DST: variants seen among roughly 807,000 people sequenced by gnomAD.
DST encodes bullous pemphigoid antigen.
DST carries 253 observed loss-of-function variants against 875.2 expected under a neutral mutation model. The ratio of observed to expected loss-of-function variants is 0.29; its 90% CI spans 0.26 to 0.32. The LOEUF (loss-of-function observed/expected upper bound fraction) is 0.32, where lower values mean the gene tolerates loss of function less well. Among genes scored for constraint, DST ranks in the 10% least tolerant of loss-of-function variants. The pLI is 1.00. For synonymous variants in DST, 3,124 were observed against 3,197.1 expected, an observed-to-expected ratio of 0.98 and a Z score of 0.77; for missense variants, 8,287 against 9,111.6, an observed-to-expected ratio of 0.91 and a Z score of 3.68.
At chr6:56,877,443 C>T (rs1470581531) in intron 3 of DST, among the ~76,000 whole-genome samples, 3 of 152,176 alleles carry the variant, frequency 2.0e-5, no homozygotes, top group Admixed American at 6.5e-5. Flanking sequence ...GTAATCCCAG[C>T]TACCTGGGAG....
intron 4 of DST, among the ~76,000 whole-genome samples, chr6:56,781,040 A>C (rs1302518630): frequency 6.6e-6 from 1 of 151,984 alleles, no homozygotes; most frequent in Non-Finnish European, 1.5e-5. Flanking sequence ...AGTTGTAGAT[A>C]TGTGGTGTTA....
rs374249204 is a variant in DST, at chr6:56,506,562, G to C, written c.19363-18C>G. ...GAATTTAACTACAAGATGTATGTTA[G>C]AATTCTTTTAGTGCCATATTTTAAA... On this transcript the variant is annotated intron_variant, in intron 76 of 103. Coordinates refer to ENST00000680361, the MANE Select transcript of DST (RefSeq NM_001374736.1). The C allele has an allele frequency of 4.3e-6, 7 of 1,609,322 alleles. No homozygotes were observed. Among genetic ancestry groups the C allele is most frequent in the Admixed American group, 1.7e-5 (1 of 59,466 alleles).
chr6:56,463,919 A>G, intron 100 of DST, 155 bp from the exon 101 acceptor site: 5 of 825,336 alleles, frequency 6.1e-6, no homozygotes, highest in Non-Finnish European at 1.0e-5. Context: ...CAGCATAACA[A>G]AAAGTTAAAT....
At chr6:56,538,353 G>C (rs1584408448) in intron 61 of DST, among the ~76,000 whole-genome samples, 1 of 151,592 alleles carries the variant, frequency 6.6e-6, no homozygotes, top group East Asian at 1.9e-4. Flanking sequence ...TGGAACTAAG[G>C]AAGGAAAGTT....
intron 36 of DST, chr6:56,617,245 A>G (rs2098636560): frequency 6.2e-7 from 1 of 1,608,430 alleles, no homozygotes; most frequent in Non-Finnish European, 8.5e-7. Flanking sequence ...GATCACCATC[A>G]AAGTTCTGGA....
In DST at chr6:56,489,477, A is replaced by G. The variant is rs1356542384; in HGVS notation, c.20877+13T>C. The G allele has an allele frequency of 6.2e-7, 1 of 1,607,664 alleles. No individual in the cohort carries two copies. Among genetic ancestry groups the G allele is most frequent in the East Asian group, 2.2e-5 (1 of 44,722 alleles). On this transcript the variant is annotated intron_variant, in intron 86 of 103. Transcript: ENST00000680361. ...ATAATGAGACAATATGCTCTTCTTA[A>G]TTATGGACCCACCTTATGTTGTGCA...
At chr6:56,462,378 AAGTT>A (rs929200381) in intron 102 of DST, among the ~76,000 whole-genome samples, 2 of 152,194 alleles carry the variant, frequency 1.3e-5, no homozygotes, top group African/African-American at 2.4e-5. Context: ...CCGTATTAAA[AAGTT>A]AGAGCATGCT....
Position 56,644,536 on chromosome 6 carries a change from A to T in DST, c.1778+1330T>A, listed in dbSNP as rs2098931190. Among the ~76,000 whole-genome samples, 3 of 152,324 alleles carry T rather than the reference A, an allele frequency of 2.0e-5. No homozygotes were observed. In the South Asian group the frequency reaches 6.2e-4, roughly 32 times the overall value. On this transcript the variant is annotated intron_variant, in intron 15 of 103. Transcript: ENST00000680361. Reference sequence around the variant, plus strand: ...AAAAAAAACAAGGGTTTCTCTCCACATTCTTGGAGCTCATATCTGTGGAAT... The same window carrying T: ...AAAAAAAACAAGGGTTTCTCTCCACTTTCTTGGAGCTCATATCTGTGGAAT...
rs375813751 is a variant in DST, at chr6:56,552,602, T to C, written c.16190A>G (p.Gln5397Arg). 1.2e-6 allele frequency: 2 copies of C among 1,613,952 alleles called. No homozygotes were observed. Among genetic ancestry groups the C allele is most frequent in the Non-Finnish European group, 1.7e-6 (2 of 1,179,884 alleles). ...FQNTIREMFS[Q>R]FAEFDDELDS... ...CAGTTCATCATCAAACTCTGCGAACTGAGAAAACATTTCTCGAATGGTATT... is the reference window on the plus strand; with the variant it reads ...CAGTTCATCATCAAACTCTGCGAACCGAGAAAACATTTCTCGAATGGTATT... The change falls in exon 61 of 104, where the codon CAG becomes CGG. Residue 5397 changes from glutamine (Q) to arginine (R), a missense_variant. This residue lies in a region of DST where 1,513 missense variants were observed against 1,677.8 expected (regional missense o/e 0.90). Coordinates refer to ENST00000680361, the MANE Select transcript of DST (RefSeq NM_001374736.1).
intron 3 of DST, among the ~76,000 whole-genome samples, chr6:56,883,835 T>A (rs1169760556): frequency 6.6e-6 from 1 of 152,072 alleles, no homozygotes; most frequent in African/African-American, 2.4e-5. Context: ...AATATTTTAG[T>A]ATGCATCTCT....
intron 4 of DST, among the ~76,000 whole-genome samples, chr6:56,756,878 C>A (rs2099605381): frequency 6.6e-6 from 1 of 152,192 alleles, no homozygotes; most frequent in Admixed American, 6.5e-5. Flanking sequence ...GCCTAGTACA[C>A]AGGGCAGAAA....
intron 3 of DST, among the ~76,000 whole-genome samples, chr6:56,861,082 T>C (rs1166901209): frequency 6.6e-6 from 1 of 152,222 alleles, no homozygotes; most frequent in Non-Finnish European, 1.5e-5. Context: ...TATGCTTCCA[T>C]TTTCATTACC....
chr6:56,655,159 T>TAAA (rs2099000247), intron 10 of DST, among the ~76,000 whole-genome samples: 1 of 67,924 alleles, frequency 1.5e-5, no homozygotes, highest in East Asian at 3.9e-4. Context: ...AGACTTTGCC[T>TAAA]CAAAAAAAAA....
intron 4 of DST, among the ~76,000 whole-genome samples, chr6:56,796,828 G>A (rs568252764): frequency 5.9e-5 from 9 of 151,626 alleles, no homozygotes; most frequent in Non-Finnish European, 8.8e-5. Context: ...GAAGGGAGGG[G>A]ACTATAAGCA....
intron 5 of DST, among the ~76,000 whole-genome samples, chr6:56,725,878 G>T (rs2099454014): frequency 6.6e-6 from 1 of 151,908 alleles, no homozygotes; most frequent in South Asian, 2.1e-4. Context: ...ATTAATGAAT[G>T]CCATGGGTTC....
At chr6:56,620,340 C>T in intron 36 of DST, 16 of 1,614,164 alleles carry the variant, frequency 9.9e-6, no homozygotes, top group Non-Finnish European at 1.4e-5. Context: ...AGGTTCTCTT[C>T]CACGGCAGCT....
intron 4 of DST, among the ~76,000 whole-genome samples, chr6:56,822,293 T>C (rs546193810): frequency 2.0e-5 from 3 of 152,244 alleles, no homozygotes; most frequent in African/African-American, 7.2e-5. Context: ...AGTCCTACTA[T>C]TACCCTCAGC....
At chr6:56,892,973 C>A (rs185684781) in intron 3 of DST, among the ~76,000 whole-genome samples, 14 of 152,062 alleles carry the variant, frequency 9.2e-5, no homozygotes, top group African/African-American at 3.4e-4. Context: ...ATCCTCATGA[C>A]TCTATATGGT....
At chr6:56,521,772 C>T (rs2096712163) in intron 69 of DST, among the ~76,000 whole-genome samples, 1 of 152,016 alleles carries the variant, frequency 6.6e-6, no homozygotes, top group African/African-American at 2.4e-5. Context: ...ATGACTCACT[C>T]AAATGACTGG....
Sources: gnomAD v4.1 joint callset for allele counts (sites outside exome capture counted in the v4.1 genomes callset) on GRCh38, gnomAD v4.1.1 for gene constraint, gnomAD v4.1.1 regional missense constraint, MANE v1.5 for transcripts, NCBI Gene and HGNC (gene_info 2026-07-23, HGNC 2026-07-21) for gene names.